Variants in TRPM3 observed in about 807,000 individuals in gnomAD.
TRPM3 encodes the protein long transient receptor potential channel 3.
A neutral mutation model predicts 181.2 loss-of-function variants in TRPM3; 77 were observed. That is an observed-to-expected ratio of 0.42 (90% CI 0.35 to 0.51). The LOEUF (loss-of-function observed/expected upper bound fraction) is 0.51, where lower values mean the gene tolerates loss of function less well. TRPM3 is among the 20% of genes least tolerant of loss of function. TRPM3 has a pLI of 0.01. For synonymous variants in TRPM3, 745 were observed against 796.4 expected, an observed-to-expected ratio of 0.94 and a Z score of 1.09; for missense variants, 1,759 against 2,196.7, an observed-to-expected ratio of 0.80 and a Z score of 3.98.
chr9:70,760,189 TG>T (rs780845232), intron 8 of TRPM3, among the ~76,000 whole-genome samples: 7 of 151,846 alleles, frequency 4.6e-5, no homozygotes, highest in Non-Finnish European at 8.8e-5. Context: ...GACTTCCCAC[TG>T]GTTCCTAGAA....
chr9:71,357,604 ACTGT>A (rs1020390250), intron 1 of TRPM3, among the ~76,000 whole-genome samples: 6 of 152,086 alleles, frequency 3.9e-5, no homozygotes, highest in African/African-American at 1.4e-4. Flanking sequence ...ATTTGGGAAC[ACTGT>A]CTGTGGTCAT....
chr9:70,904,083 A>T (rs1460271630), intron 1 of TRPM3, among the ~76,000 whole-genome samples: 5 of 152,154 alleles, frequency 3.3e-5, no homozygotes, highest in Non-Finnish European at 7.4e-5. Flanking sequence ...TTAGCAAGGC[A>T]TGGTGGTGCA....
intron 1 of TRPM3, among the ~76,000 whole-genome samples, chr9:71,194,985 T>A (rs558765262): frequency 6.6e-6 from 1 of 152,010 alleles, no homozygotes; most frequent in East Asian, 1.9e-4. Context: ...AACACTGACA[T>A]AGCATCTCTC....
chr9:71,024,384 G>C (rs1443119499), intron 1 of TRPM3, among the ~76,000 whole-genome samples: 1 of 151,874 alleles, frequency 6.6e-6, no homozygotes, highest in South Asian at 2.1e-4. Context: ...AGAAGGAGAA[G>C]TAGTACTGGG....
At chr9:70,632,328 C>T (rs1277450358) in intron 12 of TRPM3, among the ~76,000 whole-genome samples, 1 of 152,160 alleles carries the variant, frequency 6.6e-6, no homozygotes, top group Non-Finnish European at 1.5e-5. Context: ...TTATTCACTT[C>T]TTCCCCAAAC....
intron 1 of TRPM3, among the ~76,000 whole-genome samples, chr9:71,310,596 G>T (rs1588428273): frequency 6.6e-6 from 1 of 152,056 alleles, no homozygotes; most frequent in African/African-American, 2.4e-5. Flanking sequence ...GGCCACCAGA[G>T]CACATCTTCT....
chr9:70,917,258 A>G, intron 1 of TRPM3: 5 of 1,524,736 alleles, frequency 3.3e-6, no homozygotes, highest in Non-Finnish European at 4.5e-6. Flanking sequence ...AGTTATCATA[A>G]ACACCAATTC....
intron 21 of TRPM3, among the ~76,000 whole-genome samples, chr9:70,596,101 C>T (rs1236108877): frequency 1.3e-5 from 2 of 152,152 alleles, no homozygotes; most frequent in Non-Finnish European, 2.9e-5. Context: ...TTGTCAACCA[C>T]CAACTATGAG....
intron 1 of TRPM3, among the ~76,000 whole-genome samples, chr9:71,259,372 T>C (rs534492444): frequency 6.6e-6 from 1 of 152,262 alleles, no homozygotes; most frequent in South Asian, 2.1e-4. Context: ...CATGTGTCTT[T>C]ATAGAATAAT....
chr9:71,424,951 T>A (rs1319589127), intron 1 of TRPM3, among the ~76,000 whole-genome samples: 1 of 152,108 alleles, frequency 6.6e-6, no homozygotes, highest in East Asian at 1.9e-4. Context: ...TCTTGACAAA[T>A]TCACATAGAA....
At chr9:71,120,438 T>C (rs759860488) in intron 1 of TRPM3, among the ~76,000 whole-genome samples, 1 of 152,182 alleles carries the variant, frequency 6.6e-6, no homozygotes, top group East Asian at 1.9e-4. Context: ...TTTTTCAGTA[T>C]CTTTAATGCA....
intron 1 of TRPM3, among the ~76,000 whole-genome samples, chr9:71,069,561 T>C (rs1193461190): frequency 8.6e-5 from 13 of 151,654 alleles, no homozygotes; most frequent in Admixed American, 8.5e-4. Flanking sequence ...CGGGGATAGA[T>C]AGGACAGGTA....
At chr9:70,595,151 G>A (rs573876859) in intron 21 of TRPM3, among the ~76,000 whole-genome samples, 54 of 152,220 alleles carry the variant, frequency 3.5e-4, no homozygotes, top group African/African-American at 1.2e-3. Context: ...GATAGACGTG[G>A]ATTTTAAAAT....
At chr9:71,407,721 C>T (rs1411739537) in intron 1 of TRPM3, among the ~76,000 whole-genome samples, 1 of 152,192 alleles carries the variant, frequency 6.6e-6, no homozygotes, top group South Asian at 2.1e-4. Flanking sequence ...TTTAAGAGAG[C>T]AGTGGTTCTC....
At chr9:71,444,326 AC>A (rs1421893737) in intron 1 of TRPM3, among the ~76,000 whole-genome samples, 10 of 152,202 alleles carry the variant, frequency 6.6e-5, no homozygotes, top group African/African-American at 2.4e-4. Context: ...CATTAAAAAA[AC>A]AATTATTTTA....
intron 1 of TRPM3, among the ~76,000 whole-genome samples, chr9:71,223,243 G>C (rs1204240651): frequency 6.6e-6 from 1 of 152,162 alleles, no homozygotes. Flanking sequence ...CAGGGCACCA[G>C]TCAGAGTCAT....
At chr9:71,029,092 C>CA (rs199519767) in intron 1 of TRPM3, among the ~76,000 whole-genome samples, 136 of 141,010 alleles carry the variant, frequency 9.6e-4, no homozygotes, top group East Asian at 2.8e-3. Context: ...GACCACAGAA[C>CA]AAAAAAAAAA....
At chr9:70,681,654 G>C in intron 8 of TRPM3, 76 bp from the exon 9 acceptor site, 1 of 1,183,648 alleles carries the variant, frequency 8.4e-7, no homozygotes, top group Non-Finnish European at 1.3e-6. Flanking sequence ...GACCACATCT[G>C]AGCAGAGACT....
At chr9:70,584,602 C>T (rs756409843) in intron 22 of TRPM3, among the ~76,000 whole-genome samples, 6 of 152,224 alleles carry the variant, frequency 3.9e-5, no homozygotes, top group African/African-American at 9.6e-5. Flanking sequence ...TGCTTCACCT[C>T]TTAATTCTGA....
Sources: allele counts gnomAD v4.1 joint callset (sites outside exome capture counted in the v4.1 genomes callset), GRCh38; gene constraint gnomAD v4.1.1; transcripts MANE v1.5; gene names NCBI Gene and HGNC (gene_info 2026-07-23, HGNC 2026-07-21).